Variants in HOMER1 observed in about 807,000 individuals in gnomAD.
HOMER1 encodes homer scaffold protein 1, also known as homer protein homolog 1.
In HOMER1, 3 loss-of-function variants were observed where a neutral mutation model predicts 48.9. That is an observed-to-expected ratio of 0.06 (90% CI 0.03 to 0.16). The LOEUF is 0.16. Ranked by LOEUF, HOMER1 falls within the 10% of genes least tolerant of loss-of-function variation. The pLI, the probability that HOMER1 is intolerant of heterozygous loss-of-function variation, is 1.00. For synonymous variants in HOMER1, 134 were observed against 146.4 expected (o/e 0.92, Z 0.61); for missense variants, 247 against 411.4 (o/e 0.60, Z 3.46).
chr5:79,499,637 C>G (rs914515712), intron 1 of HOMER1, among the ~76,000 whole-genome samples: 1 of 151,922 alleles, frequency 6.6e-6, no homozygotes, highest in Admixed American at 6.6e-5. Context: ...TAAAATAATA[C>G]ACAAATCTAT....
intron 5 of HOMER1, among the ~76,000 whole-genome samples, chr5:79,415,051 T>C (rs1749907842): frequency 6.6e-6 from 1 of 151,786 alleles, no homozygotes; most frequent in Admixed American, 6.6e-5. Context: ...AGTAGAATAG[T>C]TTCTTGGTTT....
At chr5:79,502,854 A>C (rs377054663) in intron 1 of HOMER1, among the ~76,000 whole-genome samples, 2 of 152,100 alleles carry the variant, frequency 1.3e-5, no homozygotes, top group African/African-American at 2.4e-5. Flanking sequence ...GCAGTGGCGC[A>C]ATCTCAGCTC....
At chr5:79,456,145 CAAAAA>C (rs66567622) in intron 2 of HOMER1, among the ~76,000 whole-genome samples, 1 of 112,526 alleles carries the variant, frequency 8.9e-6, no homozygotes, top group Non-Finnish European at 1.9e-5. Flanking sequence ...GACTCCGTCT[CAAAAA>C]AAAAAAAAAA....
At chr5:79,382,955 G>T (rs116559674) in intron 8 of HOMER1, among the ~76,000 whole-genome samples, 1 of 152,166 alleles carries the variant, frequency 6.6e-6, no homozygotes, top group East Asian at 1.9e-4. Flanking sequence ...ATGGATTACA[G>T]TTATGACCAA....
At chr5:79,405,684 C>T (rs1749644884) in intron 5 of HOMER1, among the ~76,000 whole-genome samples, 1 of 152,148 alleles carries the variant, frequency 6.6e-6, no homozygotes, top group African/African-American at 2.4e-5. Flanking sequence ...TGGTGCTTGC[C>T]AATCTGTGCA....
chr5:79,479,190 G>C (rs1751876899), intron 1 of HOMER1, among the ~76,000 whole-genome samples: 1 of 152,104 alleles, frequency 6.6e-6, no homozygotes, highest in South Asian at 2.1e-4. Context: ...TTTAAATGTA[G>C]GACTGCATAA....
intron 5 of HOMER1, among the ~76,000 whole-genome samples, chr5:79,412,493 T>C (rs1000909733): frequency 6.6e-6 from 1 of 152,216 alleles, no homozygotes; most frequent in Non-Finnish European, 1.5e-5. Flanking sequence ...AACAGTGGCA[T>C]ATTCCATTAC....
intron 8 of HOMER1, among the ~76,000 whole-genome samples, chr5:79,396,595 C>T (rs1749390638): frequency 1.3e-5 from 2 of 151,786 alleles, no homozygotes; most frequent in African/African-American, 2.4e-5. Context: ...AAAGGATTTA[C>T]TAAATAATTT....
intron 5 of HOMER1, among the ~76,000 whole-genome samples, chr5:79,420,686 T>C (rs1580438669): frequency 6.6e-6 from 1 of 152,324 alleles, no homozygotes; most frequent in East Asian, 1.9e-4. Flanking sequence ...TCAGAGAATG[T>C]TGGAGTAATC....
intron 5 of HOMER1, among the ~76,000 whole-genome samples, chr5:79,420,963 T>A (rs1283909277): frequency 6.6e-6 from 1 of 152,192 alleles, no homozygotes; most frequent in Non-Finnish European, 1.5e-5. Context: ...TTTAGATGCA[T>A]AACTTGCTAG....
intron 8 of HOMER1, among the ~76,000 whole-genome samples, chr5:79,379,967 C>A (rs1748924005): frequency 1.3e-5 from 2 of 152,136 alleles, no homozygotes; most frequent in Non-Finnish European, 2.9e-5. Flanking sequence ...GCAATTTGTA[C>A]TTGCCTCCTC....
rs1561394716 is a variant in HOMER1 at position 79,513,329 on chromosome 5, TCTC to T, written c.-558_-556del. ...TTAGGAAAAAAACTACACAGGAAAA[TCTC>T]CTCGAAGTGCAAACCCGGCAGCTCG... is the stretch of plus-strand genomic sequence containing the variant. On this transcript the variant is annotated 5_prime_UTR_variant, in exon 1 of 9. Coordinates refer to ENST00000334082, the MANE Select transcript of HOMER1 (RefSeq NM_004272.5). The T allele has an allele frequency of 6.5e-6, 1 of 153,920 alleles. No homozygotes were observed. Among genetic ancestry groups the T allele is most frequent in the African/African-American group, 2.4e-5 (1 of 41,284 alleles). The allele number at this position is 153,920 out of a possible 1,614,324, so 9.5% of individuals were successfully genotyped here. A position where few individuals can be genotyped will look rare whatever the true frequency, so the allele number is the denominator to read the frequency against.
intron 5 of HOMER1, among the ~76,000 whole-genome samples, chr5:79,410,263 G>A (rs1454500611): frequency 5.3e-5 from 8 of 151,818 alleles, no homozygotes; most frequent in East Asian, 1.9e-4. Context: ...AGGCCGAGGC[G>A]GGCGAACCAC....
At chr5:79,499,524 A>ACTTG (rs33928632) in intron 1 of HOMER1, among the ~76,000 whole-genome samples, 1 of 256 alleles carries the variant, frequency 3.9e-3, no homozygotes. Flanking sequence ...ATTTGAAAAA[A>ACTTG]CAGGTTAACT....
chr5:79,473,398 C>T (rs1475037969), intron 1 of HOMER1, among the ~76,000 whole-genome samples: 1 of 152,150 alleles, frequency 6.6e-6, no homozygotes, highest in Non-Finnish European at 1.5e-5. Context: ...TCTTCCTCTT[C>T]CAATATGGCC....
intron 1 of HOMER1, among the ~76,000 whole-genome samples, chr5:79,457,967 A>C (rs912695285): frequency 6.6e-6 from 1 of 152,208 alleles, no homozygotes; most frequent in South Asian, 2.1e-4. Flanking sequence ...AACCCAGAAT[A>C]ATCTGGGAAT....
At chr5:79,491,269 A>C (rs1240843364) in intron 1 of HOMER1, among the ~76,000 whole-genome samples, 1 of 150,894 alleles carries the variant, frequency 6.6e-6, no homozygotes, top group East Asian at 2.0e-4. Flanking sequence ...CCATCTCTAC[A>C]AAAAATAGCC....
At chr5:79,492,907 C>CTT (rs558428061) in intron 1 of HOMER1, among the ~76,000 whole-genome samples, 1,083 of 84,022 alleles carry the variant, frequency 0.013, 42 homozygotes, top group Middle Eastern at 0.029. Context: ...AAAACTTTGT[C>CTT]TTTTTTTTTT....
chr5:79,427,709 TTTCCTTCCCTTCC>T (rs1458911486), intron 5 of HOMER1, among the ~76,000 whole-genome samples: 3 of 121,142 alleles, frequency 2.5e-5, no homozygotes, highest in Non-Finnish European at 5.1e-5. Flanking sequence ...CCTTCCTTCC[TTTCCTTCCCTTCC>T]TTCCTTCCCT....
Sources: allele counts gnomAD v4.1 joint callset (sites outside exome capture counted in the v4.1 genomes callset), GRCh38; gene constraint gnomAD v4.1.1; transcripts MANE v1.5; gene names NCBI Gene and HGNC (gene_info 2026-07-23, HGNC 2026-07-21).